Variants in UGGT1 observed in about 807,000 individuals in gnomAD.
UGGT1 encodes UDP-glucose glycoprotein glucosyltransferase 1.
A neutral mutation model predicts 203.9 loss-of-function variants in UGGT1; 107 were observed. That is an observed-to-expected ratio of 0.52 (90% CI 0.45 to 0.62). The LOEUF is 0.62. Ranked by LOEUF, UGGT1 falls within the 20% of genes least tolerant of loss-of-function variation. UGGT1 has a pLI of 0.00. For missense variants in UGGT1, 1,673 were observed against 1,867.2 expected (o/e 0.90, Z 1.92); for synonymous variants, 628 against 653.5 (o/e 0.96, Z 0.59).
intron 1 of UGGT1, among the ~76,000 whole-genome samples, chr2:128,093,413 G>A (rs1322253831): frequency 6.6e-6 from 1 of 152,154 alleles, no homozygotes; most frequent in Admixed American, 6.5e-5. Flanking sequence ...AATGCTAGGC[G>A]TGGAGACCAT....
Position 128,127,421 on chromosome 2 carries a change from C to G in UGGT1, c.1195C>G (p.His399Asp). 1 of 1,613,488 alleles carries G rather than the reference C, an allele frequency of 6.2e-7. No homozygotes were observed. The highest frequency in any genetic ancestry group is 8.5e-7 in the Non-Finnish European group (1 of 1,179,488). ...TTCAGCCCTCTTCATCAATGGACTTCACATGGATTTAGATACACAGGATAT... is the reference window on the plus strand; with the variant it reads ...TTCAGCCCTCTTCATCAATGGACTTGACATGGATTTAGATACACAGGATAT... ...GDSALFINGLHMDLDTQDIFS... is the reference protein window; with the variant it reads ...GDSALFINGLDMDLDTQDIFS... Residue 399 changes from histidine (H) to aspartate (D), a missense_variant, in exon 12 of 41, where the codon CAC becomes GAC. Physicochemically the swap from His to Asp is moderately conservative, Grantham distance 81. Transcript: ENST00000259253.
At chr2:128,109,417 A>C (rs551179922) in intron 4 of UGGT1, among the ~76,000 whole-genome samples, 3 of 152,018 alleles carry the variant, frequency 2.0e-5, no homozygotes, top group Admixed American at 2.0e-4. Flanking sequence ...TATGCTGCCC[A>C]GGCTTAAGTG....
chr2:128,100,585 T>G lies in UGGT1; in HGVS notation c.194+3021T>G, dbSNP rs867210374. 3.8e-3 allele frequency among the ~76,000 whole-genome samples: 569 copies of G among 150,332 alleles called. 6 individuals are homozygous for G. The highest frequency in any genetic ancestry group is 0.012 in the African/African-American group (507 of 41,130). On this transcript the variant is annotated intron_variant, in intron 2 of 40. Transcript: ENST00000259253. ...CCAAGTCCGGCTAATTTTGTATTTT[T>G]TTTTTTTTTTTTTTTTAGTAGCGAT...
At chr2:128,103,461 G>A (rs1687471753) in intron 2 of UGGT1, among the ~76,000 whole-genome samples, 1 of 152,128 alleles carries the variant, frequency 6.6e-6, no homozygotes, top group Admixed American at 6.6e-5. Context: ...ACAACATGCT[G>A]CCTTTATTCT....
intron 3 of UGGT1, among the ~76,000 whole-genome samples, chr2:128,105,073 A>AGGTCTCACTGTGTTGCCCAGGCT (rs1687542419): frequency 6.6e-6 from 1 of 150,442 alleles, no homozygotes; most frequent in Non-Finnish European, 1.5e-5. Context: ...AACGGAGATG[A>AGGTCTCACTGTGTTGCCCAGGCT]GGTCTCACTG....
At chr2:128,132,744 T>G (rs1263322064) in intron 13 of UGGT1, among the ~76,000 whole-genome samples, 1 of 152,204 alleles carries the variant, frequency 6.6e-6, no homozygotes. Context: ...AGGGTCTTGC[T>G]CTGTTGTTCA....
chr2:128,091,856 A>G (rs746619068), intron 1 of UGGT1, among the ~76,000 whole-genome samples: 30 of 152,200 alleles, frequency 2.0e-4, no homozygotes, highest in Non-Finnish European at 4.3e-4. Context: ...GTTTTCTTTT[A>G]ACACTGTGAT....
chr2:128,122,373 A>G (rs996233603), intron 10 of UGGT1, among the ~76,000 whole-genome samples: 1 of 152,048 alleles, frequency 6.6e-6, no homozygotes, highest in Non-Finnish European at 1.5e-5. Context: ...TTTCTACTGA[A>G]TATACAAAAA....
Position 128,156,435 on chromosome 2 carries a change from T to G in UGGT1, c.2260+20T>G. 1 of 1,569,340 alleles carries G rather than the reference T, an allele frequency of 6.4e-7. No homozygotes were observed. Among genetic ancestry groups the G allele is most frequent in the Non-Finnish European group, 8.8e-7 (1 of 1,141,846 alleles). On this transcript the variant is annotated intron_variant, in intron 21 of 40. Transcript: ENST00000259253. ...TCTATGGTAACTTAAAACTTCAGAATGTTCTATTTCTTAATTTTCTTCTTT... is the reference window on the plus strand; with the variant it reads ...TCTATGGTAACTTAAAACTTCAGAAGGTTCTATTTCTTAATTTTCTTCTTT...
intron 2 of UGGT1, among the ~76,000 whole-genome samples, chr2:128,099,392 C>T (rs1687262564): frequency 6.6e-6 from 1 of 152,142 alleles, no homozygotes; most frequent in South Asian, 2.1e-4. Context: ...GATCTACCTG[C>T]CTTGGCCTCC....
At chr2:128,178,132 C>T (rs1691490662) in intron 33 of UGGT1, among the ~76,000 whole-genome samples, 1 of 152,200 alleles carries the variant, frequency 6.6e-6, no homozygotes, top group Admixed American at 6.5e-5. Context: ...GTTACTTCTG[C>T]TCCATACTTT....
intron 5 of UGGT1, among the ~76,000 whole-genome samples, chr2:128,111,202 G>A (rs1687832565): frequency 6.6e-6 from 1 of 152,044 alleles, no homozygotes; most frequent in Non-Finnish European, 1.5e-5. Context: ...AAAGTAGCTG[G>A]GTGTGGTGGC....
At position 128,192,456 on chromosome 2, in the gene UGGT1, C is replaced by G. The variant is rs1158496307; in HGVS notation, c.*2714C>G. The G allele has an allele frequency of 6.6e-6, 1 of 152,158 alleles. No homozygotes were observed. The highest frequency in any genetic ancestry group is 1.9e-4 in the East Asian group (1 of 5,206). 9.4% of individuals were successfully genotyped at this position (152,158 alleles called of 1,614,324 possible). A position where few individuals can be genotyped will look rare whatever the true frequency, so the allele number is the denominator to read the frequency against. On this transcript the variant is annotated 3_prime_UTR_variant, in exon 41 of 41. Coordinates refer to ENST00000259253, the MANE Select transcript of UGGT1 (RefSeq NM_020120.4). ...GAATGTTCAAACTCTGGAAACTGTTCACAGTATGTTGTTCTTAGCTGTTAT... is the reference window on the plus strand; with the variant it reads ...GAATGTTCAAACTCTGGAAACTGTTGACAGTATGTTGTTCTTAGCTGTTAT...
chr2:128,109,405 A>C (rs1030444119), intron 4 of UGGT1, among the ~76,000 whole-genome samples: 1 of 151,946 alleles, frequency 6.6e-6, no homozygotes, highest in Non-Finnish European at 1.5e-5. Context: ...ATGGGGTCTC[A>C]CTATGCTGCC....
Position 128,159,526 on chromosome 2 carries a change from A to G in UGGT1, c.2368A>G (p.Asn790Asp). 1.2e-6 allele frequency: 2 copies of G among 1,614,080 alleles called. No homozygotes were observed. The highest frequency in any genetic ancestry group is 1.1e-5 in the South Asian group (1 of 91,074). ...DAIKHQKSSN[N>D]VRISMINNPA... ...ATTTTGTGAACAGAAATCCAGTAAC[A>G]ATGTTAGAATAAGCATGATCAATAA... The change falls in exon 23 of 41, where the codon AAT becomes GAT. Residue 790 changes from asparagine (N) to aspartate (D), a missense_variant. By Grantham distance (23) the Asn-to-Asp change is conservative. This residue lies in a region of UGGT1 where 1,073 missense variants were observed against 1,078.7 expected (regional missense o/e 0.99). Transcript: ENST00000259253.
At position 128,113,897 on chromosome 2, in the gene UGGT1, C is replaced by T. The variant is rs1232661383; in HGVS notation, c.696+639C>T. ...GCGGGAGGCTGAGGCAGGAGAATGGCGTGAACCCGGGAGGCGGAGCTTGCA... is the reference window on the plus strand; with the variant it reads ...GCGGGAGGCTGAGGCAGGAGAATGGTGTGAACCCGGGAGGCGGAGCTTGCA... On this transcript the variant is annotated intron_variant, in intron 6 of 40. Transcript: ENST00000259253. Among the ~76,000 whole-genome samples the T allele has an allele frequency of 4.2e-4, 2 of 4,804 alleles. 1 individual carries two copies. The highest frequency in any genetic ancestry group is 6.5e-3 in the Non-Finnish European group (2 of 310). 3.2% of individuals were successfully genotyped at this position (4,804 alleles called of 152,430 possible).
chr2:128,172,341 A>G (rs1225678080), intron 28 of UGGT1, among the ~76,000 whole-genome samples: 2 of 152,104 alleles, frequency 1.3e-5, no homozygotes, highest in Admixed American at 6.6e-5. Flanking sequence ...ACCACAGGCC[A>G]CCACTGAGCA....
intron 18 of UGGT1, among the ~76,000 whole-genome samples, chr2:128,151,816 A>G (rs1163230441): frequency 6.6e-6 from 1 of 152,160 alleles, no homozygotes; most frequent in Non-Finnish European, 1.5e-5. Context: ...GGCTGCAGTG[A>G]GCTGTGGTTT....
chr2:128,107,567 C>T (rs961419633), intron 3 of UGGT1, among the ~76,000 whole-genome samples: 3 of 152,098 alleles, frequency 2.0e-5, no homozygotes, highest in African/African-American at 7.2e-5. Context: ...TAAACAAAGA[C>T]GTGTTCTGGG....
Sources: allele counts gnomAD v4.1 joint callset (sites outside exome capture counted in the v4.1 genomes callset), GRCh38; gene constraint gnomAD v4.1.1; regional missense constraint gnomAD v4.1.1; transcripts MANE v1.5; gene names NCBI Gene and HGNC (gene_info 2026-07-23, HGNC 2026-07-21).